Variants in FBP1 observed in about 807,000 individuals in gnomAD.
The protein encoded by FBP1 is fructose-1,6-bisphosphatase 1.
FBP1 carries 22 observed loss-of-function variants against 29.9 expected under a neutral mutation model. The observed-to-expected ratio is 0.74, with a 90% CI of 0.53 to 1.05. FBP1 has a LOEUF of 1.05. Ranked by LOEUF, FBP1 falls within the 50% of genes least tolerant of loss-of-function variation. The pLI is 0.00. For missense variants in FBP1, 345 were observed against 448.2 expected, an observed-to-expected ratio of 0.77 and a Z score of 2.08; for synonymous variants, 175 against 178.6, an observed-to-expected ratio of 0.98 and a Z score of 0.16.
At position 94,605,461 on chromosome 9, in the gene FBP1, C is replaced by G; in HGVS notation, c.821G>C (p.Gly274Ala). 6.2e-7 allele frequency: 1 copy of G among 1,613,730 alleles called. No individual in the cohort carries two copies. Among genetic ancestry groups the G allele is most frequent in the South Asian group, 1.1e-5 (1 of 91,036 alleles). Reference sequence around the variant, plus strand: ...CTCTCCAGGGGACACCCTTACCTTTCCATTGGGGCTCTTCTTGTTAGCGGG... The same window carrying G: ...CTCTCCAGGGGACACCCTTACCTTTGCATTGGGGCTCTTCTTGTTAGCGGG... Reference protein sequence around the residue: ...LYPANKKSPNGKLRLLYECNP... With the variant: ...LYPANKKSPNAKLRLLYECNP... The change falls in exon 6 of 7, where the codon GGA (glycine) becomes GCA (alanine). Residue 274 changes from glycine (G) to alanine (A), a missense_variant. Gly to Ala is a moderately conservative substitution (Grantham distance 60, BLOSUM62 0). Coordinates refer to ENST00000375326, the MANE Select transcript of FBP1 (RefSeq NM_000507.4).
At chr9:94,620,227 G>A in intron 2 of FBP1, 102 bp downstream of exon 2, 2 of 1,184,436 alleles carry the variant, frequency 1.7e-6, no homozygotes, top group Middle Eastern at 2.8e-4. Flanking sequence ...GATCTAGAGG[G>A]ACTCCCAGAA....
Position 94,606,862 on chromosome 9 carries a change from A to C in FBP1, c.658T>G (p.Phe220Val). Residue 220 changes from phenylalanine (F) to valine (V), a missense_variant, in exon 5 of 7, where the codon TTT (phenylalanine) becomes GTT (valine). Transcript: ENST00000375326. The part of the protein sequence containing the change: ...YSLNEGYARD[F>V]DPAVTEYIQR... ...ATGTACTCAGTGACGGCAGGGTCAA[A>C]GTCCCTGGCGTAGCCCTCGTTAAGG... The C allele has an allele frequency of 6.2e-7, 1 of 1,614,030 alleles. No homozygotes were observed. The highest frequency in any genetic ancestry group is 8.5e-7 in the Non-Finnish European group (1 of 1,179,886).
intron 1 of FBP1, among the ~76,000 whole-genome samples, chr9:94,623,561 C>T (rs557330370): frequency 1.8e-4 from 28 of 152,320 alleles, no homozygotes; most frequent in Non-Finnish European, 1.3e-4. Flanking sequence ...GCAGAGGGGC[C>T]GAAGGCACTG....
chr9:94,632,725 ACC>A (rs2131502228), intron 1 of FBP1, among the ~76,000 whole-genome samples: 1 of 152,332 alleles, frequency 6.6e-6, no homozygotes, highest in East Asian at 1.9e-4. Flanking sequence ...TAACATTGGT[ACC>A]CAATTAGTAA....
Position 94,612,549 on chromosome 9 carries a change from A to ACTTTTTTTTTTT in FBP1, c.427-2489_427-2488insAAAAAAAAAAAG, listed in dbSNP as rs1284753726. Among the ~76,000 whole-genome samples the ACTTTTTTTTTTT allele has an allele frequency of 1.9e-5, 2 of 108,028 alleles. 1 individual carries two copies. Among genetic ancestry groups the ACTTTTTTTTTTT allele is most frequent in the Non-Finnish European group, 3.7e-5 (2 of 54,532 alleles). 70.9% of individuals were successfully genotyped at this position (108,028 alleles called of 152,430 possible). A position where few individuals can be genotyped will look rare whatever the true frequency, so the allele number is the denominator to read the frequency against. On this transcript the variant is annotated intron_variant, in intron 3 of 6. Transcript: ENST00000375326. ...GAATTCTTTTCTAGCCCAGCCCCCAATTTTTTTTTTTTTTTTTTTTTTTTT... is the reference window on the plus strand; with the variant it reads ...GAATTCTTTTCTAGCCCAGCCCCCAACTTTTTTTTTTTTTTTTTTTTTTTTTTTTTTTTTTTT...
chr9:94,639,406 G>T lies in FBP1; in HGVS notation c.-96C>A. 2 of 1,404,736 alleles carry T rather than the reference G, an allele frequency of 1.4e-6. No individual in the cohort carries two copies. The highest frequency in any genetic ancestry group is 1.4e-5 in the African/African-American group (1 of 70,312). 87.0% of individuals were successfully genotyped at this position (1,404,736 alleles called of 1,614,324 possible). A position where few individuals can be genotyped will look rare whatever the true frequency, so the allele number is the denominator to read the frequency against. The stretch of plus-strand genomic sequence containing the variant: ...GAGAGGGCAGTAGGCACTGGCCGCA[G>T]GTGCGGAGCTGCAGGTGCGGGCGGC... On this transcript the variant is annotated 5_prime_UTR_variant, in exon 1 of 7. The change creates a new upstream start codon in the 5' untranslated region. Transcript: ENST00000375326.
intron 1 of FBP1, among the ~76,000 whole-genome samples, chr9:94,633,438 A>G (rs534435424): frequency 1.2e-4 from 19 of 152,192 alleles, no homozygotes; most frequent in Middle Eastern, 3.2e-3. Flanking sequence ...CCAAAAGTGT[A>G]AAGTGTTCAC....
intron 1 of FBP1, among the ~76,000 whole-genome samples, chr9:94,621,767 T>G (rs927825877): frequency 6.6e-6 from 1 of 151,988 alleles, no homozygotes; most frequent in African/African-American, 2.4e-5. Context: ...AACACACGGG[T>G]TAAACGAATC....
chr9:94,606,737 G>A, intron 5 of FBP1, 78 bp downstream of exon 5: 1 of 1,442,346 alleles, frequency 6.9e-7, no homozygotes, highest in South Asian at 1.2e-5. Context: ...TCATCTCCGG[G>A]GGATGCCCCT....
rs777409548 is a variant in FBP1, at chr9:94,639,122, C to A, written c.170+19G>T. 6.3e-7 allele frequency: 1 copy of A among 1,583,290 alleles called. No individual in the cohort carries two copies. On this transcript the variant is annotated intron_variant, in intron 1 of 6. Transcript: ENST00000375326. ...GGCAGACAGACAGGACGGGGCCCAC[C>A]GCCCAAGGCCCGACTCACAGGTGCG...
intron 3 of FBP1, among the ~76,000 whole-genome samples, chr9:94,613,184 G>C (rs1587856699): frequency 6.6e-6 from 1 of 152,094 alleles, no homozygotes; most frequent in African/African-American, 2.4e-5. Context: ...GAGCTGTAAA[G>C]GACATTGCAA....
chr9:94,607,054 G>C, intron 4 of FBP1, 102 bp from the exon 5 acceptor site: 5 of 1,491,522 alleles, frequency 3.4e-6, no homozygotes, highest in Non-Finnish European at 2.8e-6. Context: ...GGCTGGGGTC[G>C]CGGCGCACGG....
chr9:94,633,681 G>A (rs1415693747), intron 1 of FBP1, among the ~76,000 whole-genome samples: 5 of 151,856 alleles, frequency 3.3e-5, no homozygotes, highest in African/African-American at 9.7e-5. Flanking sequence ...ACCATGAATC[G>A]TATTTTTGGC....
Position 94,639,227 on chromosome 9 carries a change from C to A in FBP1, c.84G>T (p.Thr28=). The change falls in exon 1 of 7, where the codon ACG becomes ACT. Residue 28 remains threonine (T), a synonymous_variant. Transcript: ENST00000375326. ...AGTTGAGCAGCTGGGTCAACTCGCCCGTGCCGCGGGCCTTCCTGCCCTCCT... is the reference window on the plus strand; with the variant it reads ...AGTTGAGCAGCTGGGTCAACTCGCCAGTGCCGCGGGCCTTCCTGCCCTCCT... ...VMEEGRKARG[T]GELTQLLNSL... The A allele has an allele frequency of 6.2e-7, 1 of 1,601,046 alleles. No homozygotes were observed. The highest frequency in any genetic ancestry group is 2.3e-5 in the East Asian group (1 of 44,096).
At chr9:94,617,692 G>C in intron 3 of FBP1, 76 bp downstream of exon 3, 1 of 941,446 alleles carries the variant, frequency 1.1e-6, no homozygotes, top group Non-Finnish European at 1.7e-6. Context: ...CGGCTGCTCT[G>C]CCACAGTGAA....
chr9:94,613,765 AAAAAAAAG>A (rs1827820126), intron 3 of FBP1, among the ~76,000 whole-genome samples: 1 of 80,940 alleles, frequency 1.2e-5, no homozygotes, highest in Non-Finnish European at 3.4e-5. Context: ...ACCTTGTCTC[AAAAAAAAG>A]AAAAAAAAGA....
chr9:94,632,967 T>C (rs1297468058), intron 1 of FBP1, among the ~76,000 whole-genome samples: 1 of 152,238 alleles, frequency 6.6e-6, no homozygotes, highest in Admixed American at 6.5e-5. Context: ...AGGGCAAGCG[T>C]GCCAAAACAG....
At chr9:94,620,924 T>A (rs1827937502) in intron 1 of FBP1, among the ~76,000 whole-genome samples, 3 of 152,130 alleles carry the variant, frequency 2.0e-5, no homozygotes, top group Admixed American at 6.5e-5. Flanking sequence ...ATAATTTTTT[T>A]AAAAAAGGGC....
Position 94,611,155 on chromosome 9 carries a change from G to A in FBP1, c.427-1094C>T, listed in dbSNP as rs569398621. Among the ~76,000 whole-genome samples the A allele has an allele frequency of 3.9e-5, 6 of 152,238 alleles. No individual in the cohort carries two copies. The South Asian group carries it at 6.2e-4, about 16-fold the overall frequency. On this transcript the variant is annotated intron_variant, in intron 3 of 6. Coordinates refer to ENST00000375326, the MANE Select transcript of FBP1 (RefSeq NM_000507.4). ...TGGGATTACAGGCGTGAGCCACTGC[G>A]CCCAGCCTGATCTTCTTTATTAACA...
Sources: allele counts gnomAD v4.1 joint callset (sites outside exome capture counted in the v4.1 genomes callset), GRCh38; gene constraint gnomAD v4.1.1; transcripts MANE v1.5; gene names NCBI Gene and HGNC (gene_info 2026-07-23, HGNC 2026-07-21).